Variants in STBD1 observed in about 807,000 individuals in gnomAD.
The protein encoded by STBD1 is starch binding domain 1, also known as starch-binding domain-containing protein 1.
A neutral mutation model predicts 10.5 loss-of-function variants in STBD1; 13 were observed. The observed-to-expected ratio is 1.24, with a 90% CI of 0.81 to 1.97. The LOEUF is 1.97. Ranked by LOEUF, STBD1 falls within the 30% of genes most tolerant of loss-of-function variation. STBD1 has a pLI of 0.00. For synonymous variants in STBD1, 146 were observed against 160.2 expected, an observed-to-expected ratio of 0.91 and a Z score of 0.67; for missense variants, 427 against 435.6, an observed-to-expected ratio of 0.98 and a Z score of 0.17.
In STBD1 at chr4:76,306,802, A is replaced by T. The variant is rs1560764451; in HGVS notation, c.33A>T (p.Gly11=). The T allele has an allele frequency of 1.2e-6, 2 of 1,611,980 alleles. No homozygotes were observed. The highest frequency in any genetic ancestry group is 1.1e-5 in the South Asian group (1 of 90,932). ...CCGTCTGGTCCGCCCTGCTGGTTGG[A>T]GGGGGTCTGGCCGGAGCACTTTTCG... MGAVWSALLV[G]GGLAGALFVW... The change falls in exon 1 of 2, where the codon GGA becomes GGT. Residue 11 remains glycine (G), a synonymous_variant. Coordinates refer to ENST00000237642, the MANE Select transcript of STBD1 (RefSeq NM_003943.5).
chr4:76,307,043 C>T, intron 1 of STBD1, 54 bp downstream of exon 1: 6 of 1,523,914 alleles, frequency 3.9e-6, no homozygotes, highest in South Asian at 1.2e-5. Flanking sequence ...TGAGGTTCAT[C>T]GAGGAAGGGA....
Position 76,309,329 on chromosome 4 carries a change from A to G in STBD1, c.406A>G (p.Ser136Gly), listed in dbSNP as rs370959642. 1.2e-6 allele frequency: 2 copies of G among 1,613,308 alleles called. No homozygotes were observed. Among genetic ancestry groups the G allele is most frequent in the Non-Finnish European group, 1.7e-6 (2 of 1,179,798 alleles). The change falls in exon 2 of 2, where the codon AGT becomes GGT. Residue 136 changes from serine (S) to glycine (G), a missense_variant. Transcript: ENST00000237642. ...PATSETSNSRSYSEVSRNESL... is the reference protein window; with the variant it reads ...PATSETSNSRGYSEVSRNESL... Reference sequence around the variant, plus strand: ...TACCTCTGAGACCAGTAACTCTAGGAGTTACTCTGAAGTTTCAAGAAATGA... The same window carrying G: ...TACCTCTGAGACCAGTAACTCTAGGGGTTACTCTGAAGTTTCAAGAAATGA...
Position 76,309,663 on chromosome 4 carries a change from T to A in STBD1, c.740T>A (p.Val247Glu), listed in dbSNP as rs1465793508. ...STLVEARGQQ[V>E]HGKMERVAVM... Reference sequence around the variant, plus strand: ...TTGGTGGAAGCAAGAGGTCAGCAAGTGCATGGGAAAATGGAAAGGGTAGCA... The same window carrying A: ...TTGGTGGAAGCAAGAGGTCAGCAAGAGCATGGGAAAATGGAAAGGGTAGCA... The change falls in exon 2 of 2, where the codon GTG becomes GAG. Residue 247 changes from valine (V) to glutamate (E), a missense_variant. Val to Glu is a moderately radical substitution (Grantham distance 121). Transcript: ENST00000237642. 1 of 1,614,170 alleles carries A rather than the reference T, an allele frequency of 6.2e-7. No homozygotes were observed. Among genetic ancestry groups the A allele is most frequent in the Non-Finnish European group, 8.5e-7 (1 of 1,180,018 alleles).
chr4:76,307,129 A>G, intron 1 of STBD1, 140 bp downstream of exon 1: 1 of 889,130 alleles, frequency 1.1e-6, no homozygotes, highest in Non-Finnish European at 1.8e-6. Flanking sequence ...GGACTGGGCC[A>G]TCCCCACGCC....
intron 1 of STBD1, among the ~76,000 whole-genome samples, chr4:76,307,194 C>T (rs1334161465): frequency 6.6e-6 from 1 of 152,154 alleles, no homozygotes; most frequent in Non-Finnish European, 1.5e-5. Flanking sequence ...TCTGGTCCTC[C>T]AAGGGCCGCG....
Position 76,309,164 on chromosome 4 carries a change from G to C in STBD1, c.241G>C (p.Gly81Arg), listed in dbSNP as rs770029282. Residue 81 changes from glycine (G) to arginine (R), a missense_variant, in exon 2 of 2, where the codon GGA (glycine) becomes CGA (arginine). Gly to Arg is a moderately radical substitution (Grantham distance 125). Transcript: ENST00000237642. ...TKPEHLQESN[G>R]HLISKTKDLG... ...CTTAGAGCATCTTCAAGAAAGCAAT[G>C]GACATTTGATTTCTAAGACCAAAGA... The C allele has an allele frequency of 6.3e-7, 1 of 1,591,002 alleles. No individual in the cohort carries two copies. Among genetic ancestry groups the C allele is most frequent in the Non-Finnish European group, 8.5e-7 (1 of 1,172,008 alleles).
chr4:76,307,092 C>CGTCCGCAGGA, intron 1 of STBD1, 103 bp downstream of exon 1: 1 of 1,228,968 alleles, frequency 8.1e-7, no homozygotes, highest in African/African-American at 1.5e-5. Flanking sequence ...CCTAGGGGCC[C>CGTCCGCAGGA]ATTCCTGCGG....
At position 76,309,511 on chromosome 4, in the gene STBD1, C is replaced by A; in HGVS notation, c.588C>A (p.Asp196Glu). ...EMSLSDLNSQ[D>E]RVDHEEWEMV... ...GCCTCTCTGATTTGAACAGTCAGGA[C>A]CGGGTTGACCACGAGGAGTGGGAAA... Residue 196 changes from aspartate (D) to glutamate (E), a missense_variant, in exon 2 of 2, where the codon GAC becomes GAA. Transcript: ENST00000237642. 3 of 1,614,208 alleles carry A rather than the reference C, an allele frequency of 1.9e-6. No homozygotes were observed. Among genetic ancestry groups the A allele is most frequent in the Non-Finnish European group, 2.5e-6 (3 of 1,180,036 alleles).
intron 1 of STBD1, among the ~76,000 whole-genome samples, chr4:76,308,272 C>A (rs78678951): frequency 1.1e-3 from 118 of 110,950 alleles, no homozygotes; most frequent in East Asian, 1.6e-3. Flanking sequence ...GACTCCATCT[C>A]AAAAAAAAAA....
Position 76,309,741 on chromosome 4 carries a change from T to C in STBD1, c.818T>C (p.Val273Ala). The C allele has an allele frequency of 1.2e-6, 2 of 1,614,252 alleles. No individual in the cohort carries two copies. Among genetic ancestry groups the C allele is most frequent in the African/African-American group, 1.3e-5 (1 of 75,060 alleles). The change falls in exon 2 of 2, where the codon GTC becomes GCC. Residue 273 changes from valine (V) to alanine (A), a missense_variant. Transcript: ENST00000237642. ...AGTGTCAGGTTCCAGGTCCATTATG[T>C]CACAAGCACTGATGTGCAATTCATT... The part of the protein sequence containing the change: ...QVSVRFQVHY[V>A]TSTDVQFIAV...
chr4:76,306,941 A>C lies in STBD1; in HGVS notation c.172A>C (p.Ser58Arg). Residue 58 changes from serine (S) to arginine (R), a missense_variant, in exon 1 of 2, where the codon AGC becomes CGC. Coordinates refer to ENST00000237642, the MANE Select transcript of STBD1 (RefSeq NM_003943.5). ...AIPGGHQSGS[S>R]GLSPGPSGQE... ...TCCGGGAGGCCATCAGAGTGGCAGCAGCGGACTGAGCCCTGGACCTTCCGG... is the reference window on the plus strand; with the variant it reads ...TCCGGGAGGCCATCAGAGTGGCAGCCGCGGACTGAGCCCTGGACCTTCCGG... 1 of 1,610,484 alleles carries C rather than the reference A, an allele frequency of 6.2e-7. No homozygotes were observed. Among genetic ancestry groups the C allele is most frequent in the Non-Finnish European group, 8.5e-7 (1 of 1,179,148 alleles).
chr4:76,308,272 CAAAAAAA>C (rs34078861), intron 1 of STBD1, among the ~76,000 whole-genome samples: 2 of 110,990 alleles, frequency 1.8e-5, no homozygotes, highest in African/African-American at 7.2e-5. Context: ...GACTCCATCT[CAAAAAAA>C]AAAAAAAAAA....
Position 76,306,914 on chromosome 4 carries a change from A to G in STBD1, c.145A>G (p.Ile49Val). 1.2e-6 allele frequency: 2 copies of G among 1,612,404 alleles called. No homozygotes were observed. Among genetic ancestry groups the G allele is most frequent in the Non-Finnish European group, 1.7e-6 (2 of 1,179,624 alleles). Residue 49 changes from isoleucine (I) to valine (V), a missense_variant, in exon 1 of 2, where the codon ATT becomes GTT. Ile to Val is a conservative substitution (Grantham distance 29, BLOSUM62 3). Coordinates refer to ENST00000237642, the MANE Select transcript of STBD1 (RefSeq NM_003943.5). The part of the protein sequence containing the change: ...EKDAPLGGAA[I>V]PGGHQSGSSG... ...AGACGCCCCTCTTGGGGGAGCTGCG[A>G]TTCCGGGAGGCCATCAGAGTGGCAG...
chr4:76,308,233 C>T (rs1248538401), intron 1 of STBD1, among the ~76,000 whole-genome samples: 1 of 139,652 alleles, frequency 7.2e-6, no homozygotes, highest in Non-Finnish European at 1.5e-5. Context: ...CGTACCACTG[C>T]ACTCACTCCA....
Position 76,306,871 on chromosome 4 carries a change from G to T in STBD1, c.102G>T (p.Gly34=), listed in dbSNP as rs776156534. Residue 34 remains glycine, a synonymous_variant, in exon 1 of 2, where the codon GGG becomes GGT. Transcript: ENST00000237642. Reference sequence around the variant, plus strand: ...GCCCTGGCGACACCGGGAAGGACGGGGATGCGGAGCAGGAGAAAGACGCCC... The same window carrying T: ...GCCCTGGCGACACCGGGAAGGACGGTGATGCGGAGCAGGAGAAAGACGCCC... ...RGGPGDTGKD[G]DAEQEKDAPL... The T allele has an allele frequency of 2.5e-6, 4 of 1,611,954 alleles. No individual in the cohort carries two copies. In the South Asian group the frequency reaches 3.3e-5, roughly 13 times the overall value.
At chr4:76,307,106 G>C (rs1464864172) in intron 1 of STBD1, 117 bp downstream of exon 1, 1 of 1,103,712 alleles carries the variant, frequency 9.1e-7, no homozygotes, top group Non-Finnish European at 1.3e-6. Flanking sequence ...CCTGCGGACG[G>C]GCTCTCCTAA....
Position 76,306,956 on chromosome 4 carries a change from G to T in STBD1, c.187G>T (p.Gly63Ter). The T allele has an allele frequency of 1.2e-6, 2 of 1,606,578 alleles. No homozygotes were observed. Among genetic ancestry groups the T allele is most frequent in the South Asian group, 2.2e-5 (2 of 89,754 alleles). ...GAGTGGCAGCAGCGGACTGAGCCCTGGACCTTCCGGGCAGGAGCTGGTCAC... is the reference window on the plus strand; with the variant it reads ...GAGTGGCAGCAGCGGACTGAGCCCTTGACCTTCCGGGCAGGAGCTGGTCAC... ...HQSGSSGLSP[G>*]PSGQELVTKP... Residue 63 changes from glycine to a stop codon, truncating the protein, a stop_gained, in exon 1 of 2, where the codon GGA becomes TGA. Coordinates refer to ENST00000237642, the MANE Select transcript of STBD1 (RefSeq NM_003943.5). LOFTEE classifies it low-confidence loss of function (END_TRUNC).
rs567679354 is a variant in STBD1 at position 76,307,639 on chromosome 4, T to C, written c.220+650T>C. Reference sequence around the variant, plus strand: ...CACGCTGCCCCAGAATAGGGCCGGATAGTCATCCCTAGGAAGGGACTACTT... The same window carrying C: ...CACGCTGCCCCAGAATAGGGCCGGACAGTCATCCCTAGGAAGGGACTACTT... On this transcript the variant is annotated intron_variant, in intron 1 of 1. Coordinates refer to ENST00000237642, the MANE Select transcript of STBD1 (RefSeq NM_003943.5). 4.6e-5 allele frequency among the ~76,000 whole-genome samples: 7 copies of C among 151,208 alleles called. No individual in the cohort carries two copies. The South Asian group carries it at 1.3e-3, about 27-fold the overall frequency.
At position 76,310,912 on chromosome 4, in the gene STBD1, C is replaced by G. The variant is rs1445681279; in HGVS notation, c.*912C>G. ...TAGGACCATCTCTCTCCCACTTCTTCTCCCCTCCCCCACCGCATCTGGCCA... is the reference window on the plus strand; with the variant it reads ...TAGGACCATCTCTCTCCCACTTCTTGTCCCCTCCCCCACCGCATCTGGCCA... On this transcript the variant is annotated 3_prime_UTR_variant, in exon 2 of 2. Coordinates refer to ENST00000237642, the MANE Select transcript of STBD1 (RefSeq NM_003943.5). 1 of 152,196 alleles carries G rather than the reference C, an allele frequency of 6.6e-6. No individual in the cohort carries two copies. The highest frequency in any genetic ancestry group is 1.5e-5 in the Non-Finnish European group (1 of 68,082). The allele number at this position is 152,196 out of a possible 1,614,324, so 9.4% of individuals were successfully genotyped here.
Sources: gnomAD v4.1 joint callset for allele counts (sites outside exome capture counted in the v4.1 genomes callset) on GRCh38, gnomAD v4.1.1 for gene constraint, MANE v1.5 for transcripts, NCBI Gene and HGNC (gene_info 2026-07-23, HGNC 2026-07-21) for gene names.